CBX5: variants seen among roughly 807,000 people sequenced by gnomAD.
CBX5 encodes chromobox 5.
Under a neutral mutation model 20.7 loss-of-function variants are expected in CBX5, and 7 were observed. The observed-to-expected ratio is 0.34, with a 90% CI of 0.19 to 0.63. The LOEUF (loss-of-function observed/expected upper bound fraction) is 0.63. Among genes scored for constraint, CBX5 ranks in the 30% least tolerant of loss-of-function variants. The pLI is 0.75. For missense variants in CBX5, 110 were observed against 224.1 expected, an observed-to-expected ratio of 0.49 and a Z score of 3.25; for synonymous variants, 78 against 77.0, an observed-to-expected ratio of 1.01 and a Z score of -0.07.
chr12:54,275,569 G>A (rs530937597), intron 1 of CBX5, among the ~76,000 whole-genome samples: 6 of 152,016 alleles, frequency 3.9e-5, no homozygotes, highest in Admixed American at 1.3e-4. Flanking sequence ...AAGCACAAGC[G>A]TTATAACTTC....
rs1484822759 is a variant in CBX5, at chr12:54,233,916, C to T, written c.*7839G>A. 1 of 152,000 alleles carries T rather than the reference C, an allele frequency of 6.6e-6. No homozygotes were observed. The highest frequency in any genetic ancestry group is 2.4e-5 in the African/African-American group (1 of 41,320). The allele number at this position is 152,000 out of a possible 1,614,324, so 9.4% of individuals were successfully genotyped here. On this transcript the variant is annotated 3_prime_UTR_variant, in exon 5 of 5. Coordinates refer to ENST00000209875, the MANE Select transcript of CBX5 (RefSeq NM_012117.3). Reference sequence around the variant, plus strand: ...TAAAGATACTGTGGCCGGGTGCTGGCTCACGCCTGCAATCCCAGCACTTTG... The same window carrying T: ...TAAAGATACTGTGGCCGGGTGCTGGTTCACGCCTGCAATCCCAGCACTTTG...
At chr12:54,255,467 G>A (rs536484346) in intron 2 of CBX5, among the ~76,000 whole-genome samples, 1 of 151,560 alleles carries the variant, frequency 6.6e-6, no homozygotes, top group African/African-American at 2.4e-5. Context: ...GCTGAGGCAG[G>A]AGAATCGCTT....
intron 3 of CBX5, among the ~76,000 whole-genome samples, chr12:54,248,817 T>C (rs997320740): frequency 2.4e-4 from 36 of 152,296 alleles, no homozygotes; most frequent in African/African-American, 7.7e-4. Context: ...AACTAACAAA[T>C]TTCTTCTCCA....
At chr12:54,277,896 C>G (rs1944086397) in intron 1 of CBX5, among the ~76,000 whole-genome samples, 1 of 152,142 alleles carries the variant, frequency 6.6e-6, no homozygotes, top group Non-Finnish European at 1.5e-5. Context: ...AGTGCAGTGG[C>G]TATGCACAGG....
At position 54,234,257 on chromosome 12, in the gene CBX5, AT is replaced by A. The variant is rs1318534213; in HGVS notation, c.*7497del. On this transcript the variant is annotated 3_prime_UTR_variant, in exon 5 of 5. Coordinates refer to ENST00000209875, the MANE Select transcript of CBX5 (RefSeq NM_012117.3). ...AGGAACCATTCCAAGACCTAAATAGATTTTTTTTTTTTTCCTCACTGATAGC... is the reference window on the plus strand; with the variant it reads ...AGGAACCATTCCAAGACCTAAATAGATTTTTTTTTTTTCCTCACTGATAGC... 212 of 140,324 alleles carry A rather than the reference AT, an allele frequency of 1.5e-3. 2 individuals are homozygous for A. The East Asian group carries it at 0.016, about 11-fold the overall frequency. 8.7% of individuals were successfully genotyped at this position (140,324 alleles called of 1,614,324 possible). A position where few individuals can be genotyped will look rare whatever the true frequency, so the allele number is the denominator to read the frequency against.
intron 3 of CBX5, among the ~76,000 whole-genome samples, chr12:54,247,832 CCTGG>C (rs1290853212): frequency 1.3e-5 from 2 of 151,620 alleles, no homozygotes; most frequent in Middle Eastern, 3.2e-3. Context: ...TGCTACCACC[CCTGG>C]CTAATTTTTT....
chr12:54,252,124 G>A lies in CBX5; in HGVS notation c.241C>T (p.Pro81Ser). 6.2e-7 allele frequency: 1 copy of A among 1,611,548 alleles called. No homozygotes were observed. The highest frequency in any genetic ancestry group is 8.5e-7 in the Non-Finnish European group (1 of 1,179,086). ...TTGTTACTTTCTGACTTCTCCCTGG[G>A]TTTATTATTTTCACCCTCCTTCATC... ...KKMKEGENNKPREKSESNKRK... is the reference protein window; with the variant it reads ...KKMKEGENNKSREKSESNKRK... The change falls in exon 3 of 5, where the codon CCC becomes TCC. Residue 81 changes from proline to serine, a missense_variant. Around this residue, in one of 3 missense-constraint regions of CBX5, gnomAD observed 58 missense variants for 120.6 expected, o/e 0.48. Transcript: ENST00000209875.
Position 54,233,441 on chromosome 12 carries a change from A to G in CBX5, c.*8314T>C, listed in dbSNP as rs1033090706. ...AGCCCTCGTTTAGAATCCAATCCTA[A>G]AGCTACCGGAAACCAGAACACTGAC... On this transcript the variant is annotated 3_prime_UTR_variant, in exon 5 of 5. Coordinates refer to ENST00000209875, the MANE Select transcript of CBX5 (RefSeq NM_012117.3). 1 of 152,166 alleles carries G rather than the reference A, an allele frequency of 6.6e-6. No individual in the cohort carries two copies. Among genetic ancestry groups the G allele is most frequent in the African/African-American group, 2.4e-5 (1 of 41,440 alleles). 9.4% of individuals were successfully genotyped at this position (152,166 alleles called of 1,614,324 possible).
chr12:54,253,424 C>CAATAATAAT, intron 2 of CBX5, among the ~76,000 whole-genome samples: 1 of 151,668 alleles, frequency 6.6e-6, no homozygotes, highest in South Asian at 2.1e-4. Flanking sequence ...CAAAAAAAAA[C>CAATAATAAT]AATAATAATA....
intron 1 of CBX5, among the ~76,000 whole-genome samples, chr12:54,263,762 CAAAAAAAAA>C (rs66591051): frequency 1.1e-4 from 4 of 37,894 alleles, no homozygotes; most frequent in Middle Eastern, 0.019. Context: ...GACTCTATCT[CAAAAAAAAA>C]AAAAAAAAAA....
chr12:54,278,130 A>G (rs1218775220), intron 1 of CBX5, among the ~76,000 whole-genome samples: 1 of 152,186 alleles, frequency 6.6e-6, no homozygotes, highest in African/African-American at 2.4e-5. Context: ...GGATGTGGCG[A>G]GTGATGCGAT....
rs370329420 is a variant in CBX5, at chr12:54,252,958, C to T, written c.138-731G>A. ...TGAGATTGTGCCACTCCTGCCTGGG[C>T]GAAAAAGCCAGACTCTGTCTCAAAA... On this transcript the variant is annotated intron_variant, in intron 2 of 4. Transcript: ENST00000209875. Among the ~76,000 whole-genome samples, 107 of 121,344 alleles carry T rather than the reference C, an allele frequency of 8.8e-4. 1 individual carries two copies. The East Asian group carries it at 0.015, about 18-fold the overall frequency. 79.6% of individuals were successfully genotyped at this position (121,344 alleles called of 152,430 possible).
At position 54,250,863 on chromosome 12, in the gene CBX5, G is replaced by A. The variant is rs1354448044; in HGVS notation, c.324+1178C>T. On this transcript the variant is annotated intron_variant, in intron 3 of 4. Coordinates refer to ENST00000209875, the MANE Select transcript of CBX5 (RefSeq NM_012117.3). Reference sequence around the variant, plus strand: ...AAAAAAAGAAAGGGCCGGGCGCGGTGGCTCACGCCTGTAATCCCAACACTT... The same window carrying A: ...AAAAAAAGAAAGGGCCGGGCGCGGTAGCTCACGCCTGTAATCCCAACACTT... Among the ~76,000 whole-genome samples the A allele has an allele frequency of 4.7e-5, 7 of 149,006 alleles. No individual in the cohort carries two copies. In the East Asian group the frequency reaches 5.9e-4, roughly 13 times the overall value.
rs528079131 is a variant in CBX5, at chr12:54,243,818, G to A, written c.426-1913C>T. On this transcript the variant is annotated intron_variant, in intron 4 of 4. Coordinates refer to ENST00000209875, the MANE Select transcript of CBX5 (RefSeq NM_012117.3). ...TGGGAGGCGAAGGTTGCAGTGAGCCGAGATGGTACCACTGCACTCCAGCCT... is the reference window on the plus strand; with the variant it reads ...TGGGAGGCGAAGGTTGCAGTGAGCCAAGATGGTACCACTGCACTCCAGCCT... Among the ~76,000 whole-genome samples the A allele has an allele frequency of 2.6e-5, 4 of 151,786 alleles. No homozygotes were observed. The East Asian group carries it at 5.9e-4, about 22-fold the overall frequency.
chr12:54,256,731 C>T (rs939920304), intron 2 of CBX5, among the ~76,000 whole-genome samples: 3 of 152,050 alleles, frequency 2.0e-5, no homozygotes, highest in Admixed American at 6.5e-5. Flanking sequence ...GTATTTTTCA[C>T]GTATTAGGTT....
intron 1 of CBX5, among the ~76,000 whole-genome samples, chr12:54,264,301 G>C (rs910771940): frequency 2.0e-5 from 3 of 152,042 alleles, no homozygotes; most frequent in Non-Finnish European, 4.4e-5. Flanking sequence ...GACCACAGGG[G>C]CACGCCACCA....
chr12:54,254,141 G>A (rs995061144), intron 2 of CBX5, among the ~76,000 whole-genome samples: 1 of 151,904 alleles, frequency 6.6e-6, no homozygotes, highest in Non-Finnish European at 1.5e-5. Flanking sequence ...GCCAGGCACG[G>A]TGGCTCATGC....
At position 54,236,606 on chromosome 12, in the gene CBX5, T is replaced by A. The variant is rs959410594; in HGVS notation, c.*5149A>T. 1.8e-4 allele frequency: 27 copies of A among 152,218 alleles called. No individual in the cohort carries two copies. The highest frequency in any genetic ancestry group is 1.8e-3 in the Admixed American group (27 of 15,284). 9.4% of individuals were successfully genotyped at this position (152,218 alleles called of 1,614,324 possible). On this transcript the variant is annotated 3_prime_UTR_variant, in exon 5 of 5. Transcript: ENST00000209875. ...GCCACAGGCATGCTTGGTGGTCTGA[T>A]TACAAAAGTACGGATCTCAACACTA...
At chr12:54,245,966 AG>A in intron 4 of CBX5, 148 bp downstream of exon 4, 1 of 614,776 alleles carries the variant, frequency 1.6e-6, no homozygotes, top group Non-Finnish European at 2.9e-6. Flanking sequence ...TGGGCAACAA[AG>A]GGCGAAACAC....
Sources: allele counts gnomAD v4.1 joint callset (sites outside exome capture counted in the v4.1 genomes callset), GRCh38; gene constraint gnomAD v4.1.1; regional missense constraint gnomAD v4.1.1; transcripts MANE v1.5; gene names NCBI Gene and HGNC (gene_info 2026-07-23, HGNC 2026-07-21).